The following FAM13A variants were observed in gnomAD, a reference collection of about 807,000 sequenced individuals.
The protein encoded by FAM13A is protein FAM13A.
In FAM13A, 76 loss-of-function variants were observed where a neutral mutation model predicts 129.6. The observed-to-expected ratio is 0.59, with a 90% confidence interval of 0.49 to 0.71. FAM13A has a LOEUF of 0.71. FAM13A is among the 30% of genes least tolerant of loss of function. The pLI, the probability that FAM13A is intolerant of heterozygous loss-of-function variation, is 0.00. For synonymous variants in FAM13A, 443 were observed against 449.9 expected (o/e 0.98, Z 0.20); for missense variants, 1,108 against 1,249.3 (o/e 0.89, Z 1.70).
chr4:88,787,667 T>C, intron 10 of FAM13A, 86 bp downstream of exon 10: 1 of 1,249,128 alleles, frequency 8.0e-7, no homozygotes, highest in South Asian at 1.5e-5. Context: ...CCAGGAGGTA[T>C]GACTATAACA....
At chr4:88,895,231 T>C (rs1384274617) in intron 6 of FAM13A, among the ~76,000 whole-genome samples, 1 of 152,070 alleles carries the variant, frequency 6.6e-6, no homozygotes, top group African/African-American at 2.4e-5. Flanking sequence ...GGTTGATGCA[T>C]GGAAACCCAT....
At chr4:88,782,606 T>G (rs1266154264) in intron 10 of FAM13A, among the ~76,000 whole-genome samples, 1 of 152,214 alleles carries the variant, frequency 6.6e-6, no homozygotes, top group Non-Finnish European at 1.5e-5. Flanking sequence ...AATACTATCA[T>G]AATATTTTCA....
chr4:89,014,363 A>G (rs1334219613), intron 3 of FAM13A, among the ~76,000 whole-genome samples: 1 of 152,210 alleles, frequency 6.6e-6, no homozygotes, highest in Non-Finnish European at 1.5e-5. Flanking sequence ...CTGGGGAAAT[A>G]ATTCTTATTT....
chr4:89,038,193 A>G (rs1211524336), intron 1 of FAM13A, among the ~76,000 whole-genome samples: 1 of 152,216 alleles, frequency 6.6e-6, no homozygotes, highest in Non-Finnish European at 1.5e-5. Context: ...TATAAAATCC[A>G]ATTTTAGACT....
Position 88,745,261 on chromosome 4 carries a change from G to A in FAM13A, c.2466+1671C>T, listed in dbSNP as rs554347589. ...AGACAAAGCACCAAGGCTCTGAGAG[G>A]TTACCTAAGCAGCCCAAAGTCATAG... On this transcript the variant is annotated intron_variant, in intron 19 of 23. Transcript: ENST00000264344. Among the ~76,000 whole-genome samples, 5 of 152,242 alleles carry A rather than the reference G, an allele frequency of 3.3e-5. No homozygotes were observed. The South Asian group carries it at 1.0e-3, about 32-fold the overall frequency.
chr4:88,831,998 T>C (rs1475475065), intron 7 of FAM13A, among the ~76,000 whole-genome samples: 3 of 152,124 alleles, frequency 2.0e-5, no homozygotes, highest in African/African-American at 7.2e-5. Context: ...ACTACAAGGC[T>C]GCAGTGACCA....
Position 88,938,163 on chromosome 4 carries a change from A to T in FAM13A, c.684T>A (p.Asn228Lys). ...CTGTATACTCTACTTCAAACAGGGT[A>T]TTGTAATTTTCTAGAATTTTAGCCA... ...KIMAKILENY[N>K]TLFEVEYTEN... The change falls in exon 5 of 24, where the codon AAT (asparagine) becomes AAA (lysine). Residue 228 changes from asparagine (N) to lysine (K), a missense_variant. Coordinates refer to ENST00000264344, the MANE Select transcript of FAM13A (RefSeq NM_014883.4). The T allele has an allele frequency of 6.2e-7, 1 of 1,613,056 alleles. No individual in the cohort carries two copies. Among genetic ancestry groups the T allele is most frequent in the South Asian group, 1.1e-5 (1 of 91,028 alleles).
chr4:89,018,629 G>A (rs1766844267), intron 3 of FAM13A, among the ~76,000 whole-genome samples: 1 of 152,244 alleles, frequency 6.6e-6, no homozygotes, highest in Non-Finnish European at 1.5e-5. Context: ...GCCATCAACA[G>A]GCCACAAAGA....
chr4:88,822,359 C>T (rs1732153988), intron 7 of FAM13A, among the ~76,000 whole-genome samples: 1 of 152,100 alleles, frequency 6.6e-6, no homozygotes, highest in Non-Finnish European at 1.5e-5. Context: ...TCCCCCCAGA[C>T]CCACAATCTA....
intron 4 of FAM13A, among the ~76,000 whole-genome samples, chr4:88,942,027 ATT>A (rs1462839024): frequency 6.6e-6 from 1 of 152,162 alleles, no homozygotes; most frequent in African/African-American, 2.4e-5. Flanking sequence ...GAGATCCCTA[ATT>A]TCTAAAGATG....
At chr4:88,918,703 G>GA (rs1750513707) in intron 5 of FAM13A, among the ~76,000 whole-genome samples, 1 of 152,204 alleles carries the variant, frequency 6.6e-6, no homozygotes, top group African/African-American at 2.4e-5. Context: ...GTGAAAATAT[G>GA]AAGCCTTTAA....
At chr4:89,003,914 C>T (rs1764627531) in intron 3 of FAM13A, among the ~76,000 whole-genome samples, 1 of 152,020 alleles carries the variant, frequency 6.6e-6, no homozygotes, top group Admixed American at 6.5e-5. Flanking sequence ...AAAACAATAG[C>T]TAAACCAATT....
intron 5 of FAM13A, among the ~76,000 whole-genome samples, chr4:88,911,834 T>A (rs1749132321): frequency 6.6e-6 from 1 of 152,200 alleles, no homozygotes; most frequent in Non-Finnish European, 1.5e-5. Flanking sequence ...CATCTCCCAT[T>A]AGCTATGGTC....
In FAM13A at chr4:89,029,473, A is replaced by ATATTCCAC. The variant is rs1221164375; in HGVS notation, c.196_203dup (p.Tyr68Ter). ...GACTTAACTCACCATGCTGCGTCAA[A>ATATTCCAC]TATTCCACTATATTCCACACTACTG... On this transcript the variant is annotated stop_gained and frameshift_variant, in exon 2 of 24. Coordinates refer to ENST00000264344, the MANE Select transcript of FAM13A (RefSeq NM_014883.4). LOFTEE classifies it high-confidence loss of function. The ATATTCCAC allele has an allele frequency of 6.3e-7, 1 of 1,595,534 alleles. No homozygotes were observed. The highest frequency in any genetic ancestry group is 2.3e-5 in the East Asian group (1 of 44,272).
intron 6 of FAM13A, among the ~76,000 whole-genome samples, chr4:88,898,273 GT>G (rs1413855070): frequency 6.6e-6 from 1 of 151,986 alleles, no homozygotes; most frequent in East Asian, 1.9e-4. Context: ...CAAATCCCAT[GT>G]TTTTTTCCCA....
intron 4 of FAM13A, among the ~76,000 whole-genome samples, chr4:88,969,264 T>C (rs1224686901): frequency 2.0e-5 from 3 of 152,190 alleles, no homozygotes; most frequent in Non-Finnish European, 4.4e-5. Flanking sequence ...GTGTTAAATA[T>C]ACGAAGCTGG....
At chr4:88,802,226 T>C (rs980532502) in intron 8 of FAM13A, among the ~76,000 whole-genome samples, 1 of 151,736 alleles carries the variant, frequency 6.6e-6, no homozygotes. Context: ...TGGCATAACC[T>C]ATTTTTCCTT....
chr4:88,913,838 C>T (rs1011335734), intron 5 of FAM13A, among the ~76,000 whole-genome samples: 1 of 152,090 alleles, frequency 6.6e-6, no homozygotes, highest in African/African-American at 2.4e-5. Flanking sequence ...TTCTCCTGAG[C>T]TCATATTACT....
At chr4:88,805,356 C>T (rs1728348829) in intron 7 of FAM13A, among the ~76,000 whole-genome samples, 1 of 152,172 alleles carries the variant, frequency 6.6e-6, no homozygotes, top group African/African-American at 2.4e-5. Context: ...TCGTATATTA[C>T]ACATAAACCC....
Sources: gnomAD v4.1 joint callset for allele counts (sites outside exome capture counted in the v4.1 genomes callset) on GRCh38, gnomAD v4.1.1 for gene constraint, MANE v1.5 for transcripts, NCBI Gene and HGNC (gene_info 2026-07-23, HGNC 2026-07-21) for gene names.